Variants in ANOS1 observed in about 807,000 individuals in gnomAD.
ANOS1 encodes the protein anosmin-1.
In ANOS1, 6 loss-of-function variants were observed where a neutral mutation model predicts 59.0. The observed-to-expected ratio is 0.10, with a 90% CI of 0.06 to 0.20. ANOS1 has a LOEUF of 0.20. Ranked by LOEUF, ANOS1 falls within the 10% of genes least tolerant of loss-of-function variation. ANOS1 has a pLI of 1.00. For synonymous variants in ANOS1, 217 were observed against 223.4 expected, an observed-to-expected ratio of 0.97 and a Z score of 0.25; for missense variants, 433 against 542.3, an observed-to-expected ratio of 0.80 and a Z score of 2.00.
At position 8,535,892 on chromosome X, in the gene ANOS1, C is replaced by T. The variant is rs774380498; in HGVS notation, c.1622-81G>A. ...AGGGATCCATTGTAGGAATTTTCAG[C>T]GGCCAGTCTATGGGATGATATTAAT... On this transcript the variant is annotated intron_variant, in intron 11 of 13. Transcript: ENST00000262648. 30 of 790,247 alleles carry T rather than the reference C, an allele frequency of 3.8e-5. No individual in the cohort carries two copies. The East Asian group carries it at 8.0e-4, about 21-fold the overall frequency. The allele number at this position is 790,247 out of a possible 1,213,427, so 65.1% of individuals were successfully genotyped here. A position where few individuals can be genotyped will look rare whatever the true frequency, so the allele number is the denominator to read the frequency against.
chrX:8,662,445 C>T (rs1162805745), intron 2 of ANOS1, among the ~76,000 whole-genome samples: 2 of 111,743 alleles, frequency 1.8e-5, no homozygotes, highest in African/African-American at 6.5e-5. Flanking sequence ...TTTGACTCTG[C>T]CGGTGTAGTG....
chrX:8,669,289 A>T (rs1354095025), intron 2 of ANOS1, among the ~76,000 whole-genome samples: 2 of 112,087 alleles, frequency 1.8e-5, no homozygotes, highest in African/African-American at 6.5e-5. Context: ...ATGGTATAAG[A>T]TAATGTAAAG....
intron 2 of ANOS1, among the ~76,000 whole-genome samples, chrX:8,626,028 C>T (rs1240357491): frequency 1.0e-5 from 1 of 97,348 alleles, no homozygotes; most frequent in Non-Finnish European, 2.0e-5. Context: ...AGGAAAATTG[C>T]TTGAACTCAG....
At chrX:8,554,201 GAAC>G in intron 8 of ANOS1, 103 bp from the exon 9 acceptor site, 1 of 616,715 alleles carries the variant, frequency 1.6e-6, no homozygotes, top group East Asian at 3.5e-5. Context: ...CTTCCAGCGA[GAAC>G]AACACAGAAG....
At chrX:8,598,209 G>T (rs1930777950) in intron 3 of ANOS1, among the ~76,000 whole-genome samples, 1 of 112,084 alleles carries the variant, frequency 8.9e-6, no homozygotes, top group African/African-American at 3.2e-5. Context: ...CTGTGACACA[G>T]TTGGGGTCTG....
chrX:8,616,915 A>G (rs1302881588), intron 3 of ANOS1, among the ~76,000 whole-genome samples: 1 of 112,588 alleles, frequency 8.9e-6, no homozygotes, highest in East Asian at 2.8e-4. Context: ...GGAAGTACTC[A>G]GGAGCCATAT....
At chrX:8,629,244 A>C (rs1931446784) in intron 2 of ANOS1, among the ~76,000 whole-genome samples, 1 of 111,002 alleles carries the variant, frequency 9.0e-6, no homozygotes, top group African/African-American at 3.3e-5. Context: ...TCTGTCTCAA[A>C]AAAGAAAAAA....
chrX:8,641,377 C>CA (rs1931662729), intron 2 of ANOS1, among the ~76,000 whole-genome samples: 1 of 112,360 alleles, frequency 8.9e-6, no homozygotes, highest in Non-Finnish European at 1.9e-5. Flanking sequence ...GCATTCCTCA[C>CA]ATTCATCTTC....
At chrX:8,655,392 G>GGTGAT (rs1931915502) in intron 2 of ANOS1, among the ~76,000 whole-genome samples, 1 of 111,587 alleles carries the variant, frequency 9.0e-6, no homozygotes, top group Non-Finnish European at 1.9e-5. Context: ...GAGCTCAGGT[G>GGTGAT]GTGATGTGAG....
intron 9 of ANOS1, among the ~76,000 whole-genome samples, chrX:8,546,494 T>C (rs772121343): frequency 1.8e-5 from 2 of 112,346 alleles, no homozygotes; most frequent in South Asian, 7.4e-4. Context: ...AATTAGAGCA[T>C]GAGCTGTTCT....
intron 2 of ANOS1, among the ~76,000 whole-genome samples, chrX:8,665,007 C>T (rs1932110869): frequency 9.0e-6 from 1 of 111,707 alleles, no homozygotes; most frequent in African/African-American, 3.3e-5. Flanking sequence ...ATGAACAAAG[C>T]GTCCCCAGGA....
intron 2 of ANOS1, among the ~76,000 whole-genome samples, chrX:8,626,875 A>AG (rs1491175611): frequency 1.8e-5 from 2 of 109,916 alleles, no homozygotes; most frequent in African/African-American, 6.6e-5. Flanking sequence ...AAAAAAAAAA[A>AG]GAAAAGAAAA....
intron 2 of ANOS1, among the ~76,000 whole-genome samples, chrX:8,691,929 GACAA>G (rs202055153): frequency 0.016 from 1,745 of 111,240 alleles, 11 homozygotes; most frequent in Non-Finnish European, 0.024. Flanking sequence ...CCTGCAGTTT[GACAA>G]ACAATGTTCT....
intron 2 of ANOS1, among the ~76,000 whole-genome samples, chrX:8,685,620 G>GAA (rs1222937074): frequency 1.1e-5 from 1 of 92,057 alleles, no homozygotes; most frequent in African/African-American, 4.1e-5. Context: ...AAGAAAGAAA[G>GAA]AAAGAAAGAA....
chrX:8,570,679 A>G lies in ANOS1; in HGVS notation c.882T>C (p.Ala294=). 8.3e-7 allele frequency: 1 copy of G among 1,211,448 alleles called. No homozygotes were observed. Among genetic ancestry groups the G allele is most frequent in the South Asian group, 1.8e-5 (1 of 56,932 alleles). The change falls in exon 7 of 14, where the codon GCT becomes GCC. Residue 294 remains alanine, a synonymous_variant. Transcript: ENST00000262648. The part of the protein sequence containing the change: ...SKDPSAPPAP[A]NLRLANSTVN... The stretch of plus-strand genomic sequence containing the variant: ...CGGTGGAGTTGGCCAGCCGGAGGTT[A>G]GCCGGTGCTGGTGGGGCAGATGGAT...
chrX:8,582,598 G>A (rs1261919016), intron 6 of ANOS1, among the ~76,000 whole-genome samples: 1 of 111,603 alleles, frequency 9.0e-6, no homozygotes, highest in Non-Finnish European at 1.9e-5. Context: ...CTGTCGGGAA[G>A]TGGCTCAGAT....
intron 2 of ANOS1, among the ~76,000 whole-genome samples, chrX:8,672,668 T>C (rs1429254213): frequency 9.8e-5 from 11 of 111,715 alleles, no homozygotes; most frequent in Non-Finnish European, 1.7e-4. Flanking sequence ...CTCCGCACTC[T>C]GCTCCTCACT....
At chrX:8,541,170 C>T (rs189195226) in intron 9 of ANOS1, among the ~76,000 whole-genome samples, 16,487 of 103,341 alleles carry the variant, frequency 0.16, 1,082 homozygotes, top group Middle Eastern at 0.21. Flanking sequence ...TTTGGGAGGC[C>T]GAGGCAGGCA....
At chrX:8,722,574 T>TATACAC (rs1491456930) in intron 1 of ANOS1, among the ~76,000 whole-genome samples, 18 of 102,136 alleles carry the variant, frequency 1.8e-4, no homozygotes, top group African/African-American at 5.3e-4. Context: ...ATTATGTGTG[T>TATACAC]ACACACACAC....
Sources: gnomAD v4.1 joint callset for allele counts (sites outside exome capture counted in the v4.1 genomes callset) on GRCh38, gnomAD v4.1.1 for gene constraint, MANE v1.5 for transcripts, NCBI Gene and HGNC (gene_info 2026-07-23, HGNC 2026-07-21) for gene names.